The following PTPRD variants were observed in gnomAD, a reference collection of about 807,000 sequenced individuals.
The protein encoded by PTPRD is protein tyrosine phosphatase receptor type D, also known as receptor-type tyrosine-protein phosphatase delta.
Under a neutral mutation model 214.5 loss-of-function variants are expected in PTPRD, and 34 were observed. That is an observed-to-expected ratio of 0.16 (90% CI 0.12 to 0.21). The LOEUF is 0.21. Among genes scored for constraint, PTPRD ranks in the 10% least tolerant of loss-of-function variants. The pLI is 1.00. For missense variants in PTPRD, 2,545 were observed against 2,398.7 expected (o/e 1.06, Z -1.27); for synonymous variants, 1,128 against 845.7 (o/e 1.33, Z -5.79).
At chr9:10,333,263 G>C (rs935755509) in intron 3 of PTPRD, among the ~76,000 whole-genome samples, 13 of 151,752 alleles carry the variant, frequency 8.6e-5, no homozygotes, top group African/African-American at 2.7e-4. Flanking sequence ...TCCCTGAAAG[G>C]GGGGTTGAAG....
intron 11 of PTPRD, among the ~76,000 whole-genome samples, chr9:8,840,950 C>G (rs1409723695): frequency 6.6e-6 from 1 of 152,134 alleles, no homozygotes; most frequent in African/African-American, 2.4e-5. Context: ...GTGTGAATCA[C>G]CGGGTTTCCT....
chr9:9,443,582 G>A (rs368097365), intron 8 of PTPRD, among the ~76,000 whole-genome samples: 10 of 152,268 alleles, frequency 6.6e-5, no homozygotes, highest in South Asian at 2.1e-4. Flanking sequence ...GGGTTGTTAC[G>A]TAAGAAGTCT....
chr9:8,319,815 C>T lies in PTPRD; in HGVS notation c.5670+16G>A, dbSNP rs374922122. 18 of 1,611,222 alleles carry T rather than the reference C, an allele frequency of 1.1e-5. No individual in the cohort carries two copies. Among genetic ancestry groups the T allele is most frequent in the African/African-American group, 1.3e-5 (1 of 74,646 alleles). On this transcript the variant is annotated intron_variant, in intron 45 of 45. Coordinates refer to ENST00000381196, the MANE Select transcript of PTPRD (RefSeq NM_002839.4). The stretch of plus-strand genomic sequence containing the variant: ...GTAGGCTCTTGAGATGCGAAAAATG[C>T]AATGGATTTTCTCACCTCTGTCTGT...
At chr9:8,576,602 G>T (rs2092391572) in intron 14 of PTPRD, among the ~76,000 whole-genome samples, 4 of 127,642 alleles carry the variant, frequency 3.1e-5, no homozygotes, top group African/African-American at 3.1e-5. Context: ...ATTTAATCTT[G>T]TCTTTGATCT....
chr9:9,206,790 G>A (rs1199140353), intron 9 of PTPRD, among the ~76,000 whole-genome samples: 1 of 152,184 alleles, frequency 6.6e-6, no homozygotes, highest in African/African-American at 2.4e-5. Flanking sequence ...TTGGGCCACA[G>A]ACTGAAGGCT....
chr9:8,561,614 G>A (rs528677811), intron 14 of PTPRD, among the ~76,000 whole-genome samples: 2 of 152,166 alleles, frequency 1.3e-5, no homozygotes, highest in African/African-American at 4.8e-5. Flanking sequence ...GTGAGGGGGG[G>A]TGGAGAGTGG....
chr9:9,248,241 C>A (rs1248167213), intron 9 of PTPRD, among the ~76,000 whole-genome samples: 1 of 151,760 alleles, frequency 6.6e-6, no homozygotes, highest in Non-Finnish European at 1.5e-5. Context: ...TACAGGCGCC[C>A]ACCACAATAC....
chr9:9,073,259 T>C (rs2099746450), intron 10 of PTPRD, among the ~76,000 whole-genome samples: 2 of 152,182 alleles, frequency 1.3e-5, no homozygotes, highest in Admixed American at 6.5e-5. Flanking sequence ...TGTTTTCTAG[T>C]GATTATCAGA....
chr9:9,775,792 C>T (rs1285102320), intron 5 of PTPRD, among the ~76,000 whole-genome samples: 1 of 151,580 alleles, frequency 6.6e-6, no homozygotes, highest in East Asian at 1.9e-4. Flanking sequence ...AAATAGAAAA[C>T]AAACAAACAA....
intron 8 of PTPRD, among the ~76,000 whole-genome samples, chr9:9,436,576 C>T (rs529716749): frequency 2.6e-5 from 4 of 151,524 alleles, no homozygotes; most frequent in Non-Finnish European, 5.9e-5. Flanking sequence ...TATTTTAATA[C>T]ATTTTATACT....
chr9:8,900,547 G>C (rs569180684), intron 11 of PTPRD, among the ~76,000 whole-genome samples: 19 of 152,276 alleles, frequency 1.2e-4, no homozygotes, highest in African/African-American at 4.6e-4. Context: ...TCAGGTCACT[G>C]TTTGCCCAGA....
intron 2 of PTPRD, among the ~76,000 whole-genome samples, chr9:10,587,381 A>G (rs1222524837): frequency 6.6e-6 from 1 of 152,144 alleles, no homozygotes; most frequent in African/African-American, 2.4e-5. Context: ...TTCATTGATT[A>G]GAGTTTAATG....
intron 41 of PTPRD, among the ~76,000 whole-genome samples, 185 bp downstream of exon 41, chr9:8,340,905 A>G (rs553741605): frequency 6.6e-6 from 1 of 152,290 alleles, no homozygotes; most frequent in Admixed American, 6.5e-5. Flanking sequence ...GCCAGATTAA[A>G]CACTTCATAA....
At chr9:9,646,735 G>A (rs1328116091) in intron 7 of PTPRD, among the ~76,000 whole-genome samples, 2 of 152,088 alleles carry the variant, frequency 1.3e-5, no homozygotes, top group East Asian at 1.9e-4. Context: ...TGAACCCTAC[G>A]TACACTGTGT....
At chr9:8,741,566 C>CTTTTTTTTTTTTTTTTTTTTTTTTT (rs66547770) in intron 11 of PTPRD, among the ~76,000 whole-genome samples, 1 of 70,642 alleles carries the variant, frequency 1.4e-5, no homozygotes, top group African/African-American at 6.1e-5. Context: ...TCAGGCATTT[C>CTTTTTTTTTTTTTTTTTTTTTTTTT]TTTTTTTTTT....
At chr9:9,910,218 G>A (rs915389997) in intron 5 of PTPRD, among the ~76,000 whole-genome samples, 1 of 151,938 alleles carries the variant, frequency 6.6e-6, no homozygotes, top group African/African-American at 2.4e-5. Context: ...ATGTTAAGCT[G>A]ATGAAAATTG....
intron 11 of PTPRD, among the ~76,000 whole-genome samples, chr9:8,851,876 T>A (rs2097822751): frequency 6.6e-6 from 1 of 152,118 alleles, no homozygotes; most frequent in African/African-American, 2.4e-5. Flanking sequence ...AATGTTCTTT[T>A]CACTGTAGCC....
chr9:9,690,238 A>G lies in PTPRD; in HGVS notation c.-287+44295T>C, dbSNP rs180807364. Among the ~76,000 whole-genome samples the G allele has an allele frequency of 3.5e-3, 534 of 151,990 alleles. 5 individuals are homozygous for G. Among genetic ancestry groups the G allele is most frequent in the African/African-American group, 0.012 (497 of 41,520 alleles). ...TTGATTTGTATTTCTCTGATGATCAATGATGTTGATCACCTTTTTATATAC... is the reference window on the plus strand; with the variant it reads ...TTGATTTGTATTTCTCTGATGATCAGTGATGTTGATCACCTTTTTATATAC... On this transcript the variant is annotated intron_variant, in intron 7 of 45. Transcript: ENST00000381196.
chr9:9,090,301 A>C (rs1443415450), intron 10 of PTPRD, among the ~76,000 whole-genome samples: 3 of 152,200 alleles, frequency 2.0e-5, no homozygotes, highest in African/African-American at 4.8e-5. Context: ...ATAAGTGAGA[A>C]CACGCAATAT....
Sources: allele counts gnomAD v4.1 joint callset (sites outside exome capture counted in the v4.1 genomes callset), GRCh38; gene constraint gnomAD v4.1.1; transcripts MANE v1.5; gene names NCBI Gene and HGNC (gene_info 2026-07-23, HGNC 2026-07-21).